The following ASTN2 variants were observed in gnomAD, a reference collection of about 807,000 sequenced individuals.
ASTN2 encodes astrotactin-2.
A neutral mutation model predicts 139.8 loss-of-function variants in ASTN2; 54 were observed. The ratio of observed to expected loss-of-function variants is 0.39; its 90% CI spans 0.31 to 0.48. The LOEUF (loss-of-function observed/expected upper bound fraction) is 0.48, where lower values mean the gene tolerates loss of function less well. Among genes scored for constraint, ASTN2 ranks in the 20% least tolerant of loss-of-function variants. The pLI is 0.95. For synonymous variants in ASTN2, 756 were observed against 719.5 expected (o/e 1.05, Z -0.81); for missense variants, 1,565 against 1,725.1 (o/e 0.91, Z 1.64).
At chr9:116,865,688 T>A (rs1203434286) in intron 10 of ASTN2, among the ~76,000 whole-genome samples, 1 of 152,060 alleles carries the variant, frequency 6.6e-6, no homozygotes, top group Non-Finnish European at 1.5e-5. Context: ...CTGAAGGCAA[T>A]GCCTAGTCAC....
At chr9:116,771,628 G>A (rs1588279800) in intron 13 of ASTN2, among the ~76,000 whole-genome samples, 1 of 152,104 alleles carries the variant, frequency 6.6e-6, no homozygotes, top group Admixed American at 6.5e-5. Context: ...TACTGTCTTT[G>A]GGATCACATT....
chr9:117,275,548 T>A (rs1488177366), intron 2 of ASTN2, among the ~76,000 whole-genome samples: 1 of 148,984 alleles, frequency 6.7e-6, no homozygotes, highest in South Asian at 2.1e-4. Flanking sequence ...TTCACTGATG[T>A]CTTTTATCTC....
At position 116,442,501 on chromosome 9, in the gene ASTN2, C is replaced by T. The variant is rs944488873; in HGVS notation, c.3550G>A (p.Val1184Met). Reference protein sequence around the residue: ...TRGRHSELSTVTLRTACPLVD... With the variant: ...TRGRHSELSTMTLRTACPLVD... The stretch of plus-strand genomic sequence containing the variant: ...AGTGGACAGGCCGTCCTCAGGGTCA[C>T]CGTGCTTAGCTCTGAGTGCCTCCCT... The change falls in exon 21 of 23, where the codon GTG (valine) becomes ATG (methionine). Residue 1184 changes from valine (V) to methionine (M), a missense_variant. By Grantham distance (21) the Val-to-Met change is conservative. Coordinates refer to ENST00000313400, the MANE Select transcript of ASTN2 (RefSeq NM_001365068.1). 1 of 1,613,998 alleles carries T rather than the reference C, an allele frequency of 6.2e-7. No individual in the cohort carries two copies. The highest frequency in any genetic ancestry group is 1.3e-5 in the African/African-American group (1 of 74,914).
In ASTN2 at chr9:116,442,525, C is replaced by G. The variant is rs1554764566; in HGVS notation, c.3526G>C (p.Gly1176Arg). 6.2e-7 allele frequency: 1 copy of G among 1,614,136 alleles called. No individual in the cohort carries two copies. Among genetic ancestry groups the G allele is most frequent in the South Asian group, 1.1e-5 (1 of 91,072 alleles). Residue 1176 changes from glycine to arginine, a missense_variant, in exon 21 of 23, where the codon GGG becomes CGG. By Grantham distance (125) the Gly-to-Arg change is moderately radical. Coordinates refer to ENST00000313400, the MANE Select transcript of ASTN2 (RefSeq NM_001365068.1). Reference sequence around the variant, plus strand: ...ACCGTGCTTAGCTCTGAGTGCCTCCCTCGTGTATCCACAGCATACAGAGTG... The same window carrying G: ...ACCGTGCTTAGCTCTGAGTGCCTCCGTCGTGTATCCACAGCATACAGAGTG... ...KFTLYAVDTRGRHSELSTVTL... is the reference protein window; with the variant it reads ...KFTLYAVDTRRRHSELSTVTL...
At chr9:117,002,722 C>T (rs59265645) in intron 7 of ASTN2, among the ~76,000 whole-genome samples, 1 of 152,232 alleles carries the variant, frequency 6.6e-6, no homozygotes, top group African/African-American at 2.4e-5. Context: ...ACATGTCAGG[C>T]ATTATGCTGA....
intron 3 of ASTN2, among the ~76,000 whole-genome samples, chr9:117,144,617 G>C (rs1338360080): frequency 6.8e-6 from 1 of 148,108 alleles, no homozygotes; most frequent in African/African-American, 2.5e-5. Flanking sequence ...TCAGTAAGAG[G>C]AGGAACACTG....
chr9:116,834,828 A>T (rs1831935238), intron 11 of ASTN2, among the ~76,000 whole-genome samples: 1 of 152,278 alleles, frequency 6.6e-6, no homozygotes, highest in East Asian at 1.9e-4. Context: ...CAGGATGGTC[A>T]CTTAAGGCCA....
At chr9:116,901,906 T>C (rs1239798174) in intron 10 of ASTN2, among the ~76,000 whole-genome samples, 1 of 152,126 alleles carries the variant, frequency 6.6e-6, no homozygotes, top group Non-Finnish European at 1.5e-5. Context: ...TATGTGCCTA[T>C]AATCCCAGCT....
chr9:117,382,325 G>T (rs1830295106), intron 1 of ASTN2, among the ~76,000 whole-genome samples: 1 of 152,176 alleles, frequency 6.6e-6, no homozygotes, highest in South Asian at 2.1e-4. Context: ...GGGACAGCAG[G>T]TTTGGGAAAA....
intron 19 of ASTN2, among the ~76,000 whole-genome samples, chr9:116,525,209 T>A (rs1358893845): frequency 6.6e-6 from 1 of 152,222 alleles, no homozygotes; most frequent in Non-Finnish European, 1.5e-5. Flanking sequence ...GTCCCTGTCC[T>A]AGGGATCTGT....
chr9:117,238,136 C>T (rs1008192961), intron 2 of ASTN2, among the ~76,000 whole-genome samples: 1 of 152,144 alleles, frequency 6.6e-6, no homozygotes, highest in Non-Finnish European at 1.5e-5. Context: ...TACCCCTGCT[C>T]CTTGTGGCGG....
chr9:117,072,815 C>A (rs1343427430), intron 5 of ASTN2, among the ~76,000 whole-genome samples: 1 of 152,106 alleles, frequency 6.6e-6, no homozygotes, highest in South Asian at 2.1e-4. Context: ...AATGGCAGAA[C>A]TAAAACCTTT....
At chr9:116,974,652 G>T (rs1189620602) in intron 10 of ASTN2, among the ~76,000 whole-genome samples, 1 of 151,880 alleles carries the variant, frequency 6.6e-6, no homozygotes, top group East Asian at 1.9e-4. Context: ...GGGATTATAG[G>T]CGTGCACCAT....
At chr9:116,513,975 T>C (rs62574368) in intron 19 of ASTN2, among the ~76,000 whole-genome samples, 23,823 of 139,390 alleles carry the variant, frequency 0.17, 2,151 homozygotes, top group African/African-American at 0.25. Flanking sequence ...GAAGTTTGGT[T>C]TTCTGAAGCC....
chr9:116,723,772 C>T (rs970056000), intron 16 of ASTN2, among the ~76,000 whole-genome samples: 1 of 152,206 alleles, frequency 6.6e-6, no homozygotes, highest in Non-Finnish European at 1.5e-5. Flanking sequence ...AAGAAACACA[C>T]ACAGAATGGT....
intron 10 of ASTN2, among the ~76,000 whole-genome samples, chr9:116,921,967 A>G (rs1032498395): frequency 2.6e-5 from 4 of 152,150 alleles, no homozygotes; most frequent in African/African-American, 9.7e-5. Context: ...CCAGCTCTGG[A>G]TATTACAACT....
At chr9:116,840,537 C>G (rs533558079) in intron 11 of ASTN2, among the ~76,000 whole-genome samples, 2 of 2,780 alleles carry the variant, frequency 7.2e-4, no homozygotes, top group African/African-American at 2.6e-3. Context: ...CTGGACGGGG[C>G]GGCTGGCCGG....
intron 19 of ASTN2, chr9:116,504,448 C>T (rs1157543503): frequency 6.6e-6 from 1 of 152,108 alleles, no homozygotes; most frequent in African/African-American, 2.4e-5. Context: ...ACCCATTTTA[C>T]TTAAAGGACA....
chr9:116,955,662 G>T (rs1481591606), intron 10 of ASTN2, among the ~76,000 whole-genome samples: 1 of 152,212 alleles, frequency 6.6e-6, no homozygotes, highest in Admixed American at 6.5e-5. Context: ...TGTAGGCAAA[G>T]ATTTGAACCT....
Sources: gnomAD v4.1 joint callset for allele counts (sites outside exome capture counted in the v4.1 genomes callset) on GRCh38, gnomAD v4.1.1 for gene constraint, MANE v1.5 for transcripts, NCBI Gene and HGNC (gene_info 2026-07-23, HGNC 2026-07-21) for gene names.